Variants in DIP2B observed in about 807,000 individuals in gnomAD.
The protein encoded by DIP2B is disco-interacting protein 2 homolog B.
DIP2B carries 76 observed loss-of-function variants against 198.0 expected under a neutral mutation model. The observed-to-expected ratio is 0.38, with a 90% confidence interval of 0.32 to 0.46. DIP2B has a LOEUF of 0.46. Among genes scored for constraint, DIP2B ranks in the 20% least tolerant of loss-of-function variants. The probability of loss-of-function intolerance (pLI) is 0.99; values close to 1 mark genes in which losing one functional copy is unlikely to be tolerated. For synonymous variants in DIP2B, 701 were observed against 739.1 expected (o/e 0.95, Z 0.84); for missense variants, 1,559 against 1,978.4 (o/e 0.79, Z 4.02).
chr12:50,727,621 G>A (rs1939960332), intron 28 of DIP2B, 82 bp from the exon 29 acceptor site: 65 of 1,253,962 alleles, frequency 5.2e-5, no homozygotes, highest in Non-Finnish European at 7.3e-5. Context: ...GCTAAATTTG[G>A]CCATAGCAAA....
At chr12:50,558,275 T>C (rs555098987) in intron 1 of DIP2B, among the ~76,000 whole-genome samples, 7 of 152,242 alleles carry the variant, frequency 4.6e-5, no homozygotes, top group African/African-American at 1.7e-4. Flanking sequence ...GATATGACAT[T>C]GTTTTGATCA....
At chr12:50,711,008 G>A (rs1939605138) in intron 22 of DIP2B, among the ~76,000 whole-genome samples, 1 of 152,188 alleles carries the variant, frequency 6.6e-6, no homozygotes, top group South Asian at 2.1e-4. Flanking sequence ...AAGCTTTGGT[G>A]AATTACGTAT....
At chr12:50,617,913 G>C (rs74815743) in intron 1 of DIP2B, among the ~76,000 whole-genome samples, 1,609 of 152,292 alleles carry the variant, frequency 0.011, 32 homozygotes, top group African/African-American at 0.037. Flanking sequence ...ATTTTGAAGT[G>C]ATTCATAGTA....
intron 1 of DIP2B, among the ~76,000 whole-genome samples, chr12:50,608,795 G>T (rs905559986): frequency 6.6e-6 from 1 of 152,062 alleles, no homozygotes; most frequent in Non-Finnish European, 1.5e-5. Context: ...ATTTACTTTT[G>T]TAAGAATCCA....
At chr12:50,618,139 A>G (rs1937737288) in intron 1 of DIP2B, among the ~76,000 whole-genome samples, 1 of 152,252 alleles carries the variant, frequency 6.6e-6, no homozygotes, top group Admixed American at 6.5e-5. Flanking sequence ...TTTTCAGCCA[A>G]ATCAAATGAA....
chr12:50,516,354 A>G (rs1236096907), intron 1 of DIP2B, among the ~76,000 whole-genome samples: 1 of 151,972 alleles, frequency 6.6e-6, no homozygotes, highest in Middle Eastern at 3.2e-3. Flanking sequence ...TCCTGGGCTT[A>G]AGCGATCCTC....
chr12:50,512,060 A>G (rs1958022488), intron 1 of DIP2B, among the ~76,000 whole-genome samples: 1 of 149,128 alleles, frequency 6.7e-6, no homozygotes, highest in African/African-American at 2.5e-5. Flanking sequence ...TGCTGAGATT[A>G]TAGGTATGAG....
chr12:50,671,144 C>G, intron 4 of DIP2B, 42 bp from the exon 5 acceptor site: 1 of 1,597,512 alleles, frequency 6.3e-7, no homozygotes, highest in African/African-American at 1.3e-5. Flanking sequence ...AGTCTCTGTT[C>G]TAGGTAGGAT....
rs1034144431 is a variant in DIP2B at position 50,640,987 on chromosome 12, A to G, written c.301+135A>G. The stretch of plus-strand genomic sequence containing the variant: ...ACAGTTTTATATTAACTCATTCACC[A>G]ATCATTTATTTTGTACCCTACTATG... On this transcript the variant is annotated intron_variant, in intron 3 of 37. Coordinates refer to ENST00000301180, the MANE Select transcript of DIP2B (RefSeq NM_173602.3). 7 of 1,126,050 alleles carry G rather than the reference A, an allele frequency of 6.2e-6. No homozygotes were observed. In the African/African-American group the frequency reaches 6.3e-5, roughly 10 times the overall value. The allele number at this position is 1,126,050 out of a possible 1,614,324, so 69.8% of individuals were successfully genotyped here. A position where few individuals can be genotyped will look rare whatever the true frequency, so the allele number is the denominator to read the frequency against.
At chr12:50,736,476 A>G (rs1940141173) in intron 34 of DIP2B, among the ~76,000 whole-genome samples, 1 of 152,202 alleles carries the variant, frequency 6.6e-6, no homozygotes, top group African/African-American at 2.4e-5. Context: ...TGGCTGAGCC[A>G]TTCCCTCAGC....
rs916221628 is a variant in DIP2B at position 50,717,829 on chromosome 12, C to G, written c.2852-880C>G. Among the ~76,000 whole-genome samples, 5 of 151,678 alleles carry G rather than the reference C, an allele frequency of 3.3e-5. No homozygotes were observed. In the South Asian group the frequency reaches 6.2e-4, roughly 19 times the overall value. On this transcript the variant is annotated intron_variant, in intron 23 of 37. Coordinates refer to ENST00000301180, the MANE Select transcript of DIP2B (RefSeq NM_173602.3). ...TCACAAACTCCTCGGCTCAAGTGAT[C>G]TGTCCGCCTCGGCCTCCTAAAGTGC...
At chr12:50,567,793 GC>G (rs1399478549) in intron 1 of DIP2B, among the ~76,000 whole-genome samples, 1 of 152,166 alleles carries the variant, frequency 6.6e-6, no homozygotes, top group Non-Finnish European at 1.5e-5. Flanking sequence ...TTCCCAAAGT[GC>G]TGGGACTACA....
chr12:50,646,938 T>C (rs968185901), intron 3 of DIP2B, among the ~76,000 whole-genome samples: 5 of 152,062 alleles, frequency 3.3e-5, no homozygotes, highest in African/African-American at 7.2e-5. Context: ...TGAATTCAGT[T>C]CAGCAAGCAT....
At chr12:50,596,596 T>C (rs1958880639) in intron 1 of DIP2B, among the ~76,000 whole-genome samples, 1 of 152,218 alleles carries the variant, frequency 6.6e-6, no homozygotes, top group South Asian at 2.1e-4. Context: ...CCAGGTGCCG[T>C]CACTGACACT....
intron 1 of DIP2B, among the ~76,000 whole-genome samples, chr12:50,601,589 C>T (rs192082704): frequency 1.7e-3 from 257 of 152,224 alleles, no homozygotes; most frequent in African/African-American, 5.3e-3. Context: ...CCGCCCACCT[C>T]GGCCTCCCAA....
Position 50,676,001 on chromosome 12 carries a change from C to G in DIP2B, c.916+553C>G, listed in dbSNP as rs184664585. On this transcript the variant is annotated intron_variant, in intron 7 of 37. Transcript: ENST00000301180. Reference sequence around the variant, plus strand: ...AATACTTAGTTTAAGTATTAAGTATCTATCAGCCAATATAGGCACTTCTGA... The same window carrying G: ...AATACTTAGTTTAAGTATTAAGTATGTATCAGCCAATATAGGCACTTCTGA... 1.9e-4 allele frequency among the ~76,000 whole-genome samples: 29 copies of G among 152,256 alleles called. No individual in the cohort carries two copies. In the East Asian group the frequency reaches 5.4e-3, roughly 28 times the overall value.
chr12:50,639,700 T>G (rs1306096752), intron 2 of DIP2B, among the ~76,000 whole-genome samples: 1 of 152,194 alleles, frequency 6.6e-6, no homozygotes, highest in Non-Finnish European at 1.5e-5. Flanking sequence ...GCATTTAATT[T>G]GCTATGTGTA....
intron 10 of DIP2B, 72 bp from the exon 11 acceptor site, chr12:50,685,761 T>C (rs978380754): frequency 2.3e-5 from 35 of 1,492,422 alleles, no homozygotes; most frequent in East Asian, 4.8e-5. Context: ...AGAGCATTAC[T>C]AAGTGTCAGA....
chr12:50,567,750 A>G (rs1052295739), intron 1 of DIP2B, among the ~76,000 whole-genome samples: 1 of 151,992 alleles, frequency 6.6e-6, no homozygotes, highest in East Asian at 1.9e-4. Flanking sequence ...CTGGTCTCGA[A>G]CTCCTGACCT....
Sources: allele counts gnomAD v4.1 joint callset (sites outside exome capture counted in the v4.1 genomes callset), GRCh38; gene constraint gnomAD v4.1.1; transcripts MANE v1.5; gene names NCBI Gene and HGNC (gene_info 2026-07-23, HGNC 2026-07-21).